The following DGLUCY variants were observed in gnomAD, a reference collection of about 807,000 sequenced individuals.
DGLUCY encodes the protein D-glutamate cyclase.
Under a neutral mutation model 58.5 loss-of-function variants are expected in DGLUCY, and 58 were observed. That is an observed-to-expected ratio of 0.99 (90% CI 0.80 to 1.23). The LOEUF is 1.23. Ranked by LOEUF, DGLUCY falls within the 50% of genes most tolerant of loss-of-function variation. The pLI, the probability that DGLUCY is intolerant of heterozygous loss-of-function variation, is 0.00. For missense variants in DGLUCY, 779 were observed against 784.7 expected (o/e 0.99, Z 0.09); for synonymous variants, 325 against 314.1 (o/e 1.03, Z -0.37).
intron 1 of DGLUCY, among the ~76,000 whole-genome samples, chr14:91,093,110 T>C (rs1415208744): frequency 6.6e-6 from 1 of 150,902 alleles, no homozygotes; most frequent in East Asian, 1.9e-4. Flanking sequence ...AGATAATTTG[T>C]GAAACAAATG....
At chr14:91,202,066 A>ATAATAATAATAATAATAATAATAATAG (rs1364076664) in intron 11 of DGLUCY, among the ~76,000 whole-genome samples, 173 of 126,560 alleles carry the variant, frequency 1.4e-3, no homozygotes, top group Middle Eastern at 3.9e-3. Flanking sequence ...AAAAATAATA[A>ATAATAATAATAATAATAATAATAATAG]TAATAATAAT....
intron 9 of DGLUCY, among the ~76,000 whole-genome samples, chr14:91,192,573 C>G (rs1237726537): frequency 6.6e-6 from 1 of 152,020 alleles, no homozygotes; most frequent in East Asian, 1.9e-4. Flanking sequence ...AGTTCAAGAC[C>G]AGCCTGTCCA....
intron 5 of DGLUCY, among the ~76,000 whole-genome samples, chr14:91,172,035 TC>T (rs746541746): frequency 1.1e-4 from 17 of 152,314 alleles, no homozygotes; most frequent in Non-Finnish European, 1.9e-4. Context: ...GTTTTTCTTT[TC>T]CCTTCTTCCC....
chr14:91,175,313 G>T (rs2048795059), intron 6 of DGLUCY, among the ~76,000 whole-genome samples: 1 of 152,114 alleles, frequency 6.6e-6, no homozygotes, highest in African/African-American at 2.4e-5. Flanking sequence ...ATGAGAGTTT[G>T]AGACTGGGCC....
At chr14:91,102,230 A>C (rs907193079) in intron 1 of DGLUCY, among the ~76,000 whole-genome samples, 2 of 152,296 alleles carry the variant, frequency 1.3e-5, no homozygotes, top group East Asian at 3.9e-4. Flanking sequence ...GAGATTTTCT[A>C]ATTTGACTTT....
chr14:91,133,497 A>T (rs2046151123), intron 1 of DGLUCY, among the ~76,000 whole-genome samples: 1 of 152,148 alleles, frequency 6.6e-6, no homozygotes, highest in African/African-American at 2.4e-5. Flanking sequence ...TCTTTTGGGT[A>T]TATACCAGAA....
intron 1 of DGLUCY, among the ~76,000 whole-genome samples, chr14:91,116,237 A>G (rs994813292): frequency 6.6e-6 from 1 of 152,226 alleles, no homozygotes; most frequent in African/African-American, 2.4e-5. Flanking sequence ...CCTTAAGGCA[A>G]TATTTCATTT....
chr14:91,078,226 G>A (rs577902888), intron 1 of DGLUCY, among the ~76,000 whole-genome samples: 2 of 152,124 alleles, frequency 1.3e-5, no homozygotes, highest in South Asian at 4.2e-4. Context: ...ACGGGGTTTC[G>A]CCATGTTGGC....
At chr14:91,122,555 T>G (rs1179952499) in intron 1 of DGLUCY, among the ~76,000 whole-genome samples, 1 of 151,918 alleles carries the variant, frequency 6.6e-6, no homozygotes, top group Non-Finnish European at 1.5e-5. Flanking sequence ...TTAAAATGAT[T>G]AAGATGGTCA....
At chr14:91,189,974 G>C (rs1047705703) in intron 9 of DGLUCY, among the ~76,000 whole-genome samples, 5 of 138,270 alleles carry the variant, frequency 3.6e-5, no homozygotes, top group African/African-American at 1.4e-4. Flanking sequence ...CACTCTGTTA[G>C]GTTCTTTTTT....
At chr14:91,148,307 C>T (rs773870238) in intron 1 of DGLUCY, among the ~76,000 whole-genome samples, 4 of 151,578 alleles carry the variant, frequency 2.6e-5, no homozygotes, top group African/African-American at 9.7e-5. Context: ...AAGGCTCAAG[C>T]GATATTCCTA....
At chr14:91,178,448 G>A (rs1053211649) in intron 7 of DGLUCY, among the ~76,000 whole-genome samples, 5 of 152,138 alleles carry the variant, frequency 3.3e-5, no homozygotes, top group Non-Finnish European at 5.9e-5. Context: ...ATAGTCGTGA[G>A]CCACCATGCC....
At chr14:91,073,564 ACCTCAAGTGATCCATC>A (rs2043958636) in intron 1 of DGLUCY, among the ~76,000 whole-genome samples, 1 of 152,140 alleles carries the variant, frequency 6.6e-6, no homozygotes, top group African/African-American at 2.4e-5. Flanking sequence ...CAAACTCCTG[ACCTCAAGTGATCCATC>A]CCCGTCGGGA....
At chr14:91,148,932 G>C (rs1192770038) in intron 1 of DGLUCY, 4 of 139,848 alleles carry the variant, frequency 2.9e-5, no homozygotes, top group African/African-American at 1.1e-4. Context: ...CTGGGCGACA[G>C]AGTGAGACCC....
intron 1 of DGLUCY, among the ~76,000 whole-genome samples, chr14:91,064,400 A>G (rs892641297): frequency 2.6e-5 from 4 of 152,020 alleles, no homozygotes; most frequent in Non-Finnish European, 4.4e-5. Flanking sequence ...GGACGCTGAG[A>G]TGGGCAGATC....
At chr14:91,099,754 G>A (rs1010472603) in intron 1 of DGLUCY, among the ~76,000 whole-genome samples, 5 of 152,116 alleles carry the variant, frequency 3.3e-5, no homozygotes, top group African/African-American at 1.2e-4. Context: ...CTGAGCCAGG[G>A]CCAGCAGGCA....
intron 1 of DGLUCY, among the ~76,000 whole-genome samples, chr14:91,132,779 G>T (rs1053802766): frequency 6.6e-6 from 1 of 151,744 alleles, no homozygotes; most frequent in Non-Finnish European, 1.5e-5. Context: ...CGCCCAGCCA[G>T]AACTTTTTCA....
intron 3 of DGLUCY, among the ~76,000 whole-genome samples, chr14:91,166,268 T>C (rs765685161): frequency 1.3e-5 from 2 of 152,196 alleles, no homozygotes; most frequent in African/African-American, 2.4e-5. Flanking sequence ...CTACACTTTT[T>C]TGAGTGGGGC....
intron 10 of DGLUCY, among the ~76,000 whole-genome samples, chr14:91,197,700 T>G (rs2050303235): frequency 6.6e-6 from 1 of 152,242 alleles, no homozygotes. Context: ...CAATGTTCAT[T>G]CATGTCACAG....
Sources: gnomAD v4.1 joint callset for allele counts (sites outside exome capture counted in the v4.1 genomes callset) on GRCh38, gnomAD v4.1.1 for gene constraint, MANE v1.5 for transcripts, NCBI Gene and HGNC (gene_info 2026-07-23, HGNC 2026-07-21) for gene names.